The following ZWILCH variants were observed in gnomAD, a reference collection of about 807,000 sequenced individuals.
ZWILCH encodes zwilch kinetochore protein.
In ZWILCH, 74 loss-of-function variants were observed where a neutral mutation model predicts 79.9. That is an observed-to-expected ratio of 0.93 (90% CI 0.77 to 1.12). The LOEUF (loss-of-function observed/expected upper bound fraction) is 1.12, where lower values mean the gene tolerates loss of function less well. Among genes scored for constraint, ZWILCH ranks in the 50% most tolerant of loss-of-function variants. The pLI is 0.00. For missense variants in ZWILCH, 694 were observed against 687.5 expected (o/e 1.01, Z -0.11); for synonymous variants, 241 against 228.2 (o/e 1.06, Z -0.51).
chr15:66,509,996 G>T (rs1893993953), intron 2 of ZWILCH, among the ~76,000 whole-genome samples: 1 of 149,824 alleles, frequency 6.7e-6, no homozygotes, highest in Non-Finnish European at 1.5e-5. Flanking sequence ...GGCCAACATG[G>T]TGAAACCCCA....
rs1895501845 is a variant in ZWILCH at position 66,549,254 on chromosome 15, C to G, written c.*930C>G. 6.6e-6 allele frequency: 1 copy of G among 151,996 alleles called. No homozygotes were observed. Among genetic ancestry groups the G allele is most frequent in the Admixed American group, 6.6e-5 (1 of 15,240 alleles). The allele number at this position is 151,996 out of a possible 1,614,324, so 9.4% of individuals were successfully genotyped here. A position where few individuals can be genotyped will look rare whatever the true frequency, so the allele number is the denominator to read the frequency against. ...AGTGAATTCTGTACCACATTTCAAC[C>G]TTGTTTATTTTAGTTTAATGGAATA... On this transcript the variant is annotated 3_prime_UTR_variant, in exon 19 of 19. Coordinates refer to ENST00000307897, the MANE Select transcript of ZWILCH (RefSeq NM_017975.5).
At chr15:66,535,338 T>G (rs1894977460) in intron 14 of ZWILCH, among the ~76,000 whole-genome samples, 1 of 152,158 alleles carries the variant, frequency 6.6e-6, no homozygotes, top group South Asian at 2.1e-4. Flanking sequence ...AGCTACAAAG[T>G]CACTACTGGC....
At chr15:66,506,411 G>C (rs1205424101) in intron 1 of ZWILCH, among the ~76,000 whole-genome samples, 1 of 152,182 alleles carries the variant, frequency 6.6e-6, no homozygotes, top group Non-Finnish European at 1.5e-5. Context: ...GTTCACGCCT[G>C]TAATCCCAGC....
At chr15:66,544,720 G>A (rs111885624) in intron 17 of ZWILCH, among the ~76,000 whole-genome samples, 19 of 141,300 alleles carry the variant, frequency 1.3e-4, no homozygotes, top group African/African-American at 5.1e-4. Flanking sequence ...TGTTTTTTTG[G>A]TTTTTGTGTG....
At chr15:66,526,007 A>G (rs1347950486) in intron 8 of ZWILCH, among the ~76,000 whole-genome samples, 1 of 151,522 alleles carries the variant, frequency 6.6e-6, no homozygotes, top group Non-Finnish European at 1.5e-5. Context: ...CAAGTGATCC[A>G]CCTGTCTCGG....
At chr15:66,511,849 A>G (rs1270784753) in intron 2 of ZWILCH, among the ~76,000 whole-genome samples, 1 of 152,078 alleles carries the variant, frequency 6.6e-6, no homozygotes, top group Non-Finnish European at 1.5e-5. Flanking sequence ...TCCTGACCTC[A>G]GGTGATCCGT....
intron 10 of ZWILCH, among the ~76,000 whole-genome samples, chr15:66,528,206 C>A (rs963196261): frequency 6.6e-6 from 1 of 152,184 alleles, no homozygotes; most frequent in African/African-American, 2.4e-5. Context: ...AGGGCTCAAG[C>A]GATCCTCCCA....
At position 66,550,065 on chromosome 15, in the gene ZWILCH, T is replaced by C; in HGVS notation, c.*1741T>C. The C allele has an allele frequency of 6.2e-7, 1 of 1,605,266 alleles. No individual in the cohort carries two copies. The highest frequency in any genetic ancestry group is 8.5e-7 in the Non-Finnish European group (1 of 1,176,400). ...CCTGCAGCAAGCATCTGATTGTTGA[T>C]AGAGCAAGTTTCCAAAGCTTTGAGG... On this transcript the variant is annotated 3_prime_UTR_variant, in exon 19 of 19. Transcript: ENST00000307897.
chr15:66,509,857 A>C (rs1567039443), intron 2 of ZWILCH, among the ~76,000 whole-genome samples: 1 of 103,246 alleles, frequency 9.7e-6, no homozygotes, highest in Non-Finnish European at 2.2e-5. Context: ...ATATATATAT[A>C]TATATATATA....
intron 8 of ZWILCH, among the ~76,000 whole-genome samples, chr15:66,525,841 A>C (rs1443641318): frequency 7.2e-6 from 1 of 139,834 alleles, no homozygotes; most frequent in Non-Finnish European, 1.5e-5. Context: ...GGCTCACTAC[A>C]GCCTCCTCCT....
At chr15:66,533,160 C>A in intron 14 of ZWILCH, 147 bp downstream of exon 14, 1 of 456,994 alleles carries the variant, frequency 2.2e-6, no homozygotes, top group Non-Finnish European at 3.8e-6. Flanking sequence ...GTTATTACTG[C>A]CTAGTAAGAT....
intron 3 of ZWILCH, among the ~76,000 whole-genome samples, chr15:66,515,172 C>A (rs1374068281): frequency 6.6e-6 from 1 of 151,684 alleles, no homozygotes; most frequent in Non-Finnish European, 1.5e-5. Flanking sequence ...TTTGTCTCGA[C>A]CTCTTGGGCT....
At chr15:66,524,377 T>G (rs1894603593) in intron 8 of ZWILCH, 1 of 152,242 alleles carries the variant, frequency 6.6e-6, no homozygotes, top group South Asian at 2.1e-4. Context: ...TTCATGTGCT[T>G]ATTGGCTCCT....
In ZWILCH at chr15:66,527,927, T is replaced by C. The variant is rs778185877; in HGVS notation, c.969+15T>C. The C allele has an allele frequency of 2.5e-6, 4 of 1,592,224 alleles. No individual in the cohort carries two copies. The highest frequency in any genetic ancestry group is 3.4e-6 in the Non-Finnish European group (4 of 1,171,738). ...CTGAGGTTGAGGTAAGTGATTATTATCAGTTAGAAATATACACAGAAATAG... is the reference window on the plus strand; with the variant it reads ...CTGAGGTTGAGGTAAGTGATTATTACCAGTTAGAAATATACACAGAAATAG... On this transcript the variant is annotated intron_variant, in intron 10 of 18. Transcript: ENST00000307897.
At chr15:66,513,928 G>A in intron 2 of ZWILCH, 60 bp from the exon 3 acceptor site, 1 of 1,346,076 alleles carries the variant, frequency 7.4e-7, no homozygotes. Context: ...GTCTTTATGT[G>A]TTTAGATAGT....
chr15:66,514,293 A>T, intron 3 of ZWILCH: 1 of 292,600 alleles, frequency 3.4e-6, no homozygotes. Context: ...GAAATAATCG[A>T]TAAAATTCAC....
intron 17 of ZWILCH, among the ~76,000 whole-genome samples, chr15:66,541,407 T>C (rs1165046597): frequency 6.6e-6 from 1 of 152,122 alleles, no homozygotes; most frequent in East Asian, 1.9e-4. Context: ...TCTCCTTATC[T>C]TGTATAGAGG....
chr15:66,532,829 A>G (rs1330133283), intron 13 of ZWILCH, among the ~76,000 whole-genome samples, 156 bp from the exon 14 acceptor site: 1 of 151,850 alleles, frequency 6.6e-6, no homozygotes, highest in Non-Finnish European at 1.5e-5. Context: ...TAGCTTGACA[A>G]TCTCTTTCAT....
intron 12 of ZWILCH, among the ~76,000 whole-genome samples, chr15:66,530,631 C>T (rs1021843464): frequency 3.9e-5 from 6 of 151,926 alleles, no homozygotes; most frequent in African/African-American, 9.7e-5. Flanking sequence ...AGTAAGACTC[C>T]GTCTCATAAA....
Sources: allele counts gnomAD v4.1 joint callset (sites outside exome capture counted in the v4.1 genomes callset), GRCh38; gene constraint gnomAD v4.1.1; transcripts MANE v1.5; gene names NCBI Gene and HGNC (gene_info 2026-07-23, HGNC 2026-07-21).